VCAM1: variants seen among roughly 807,000 people sequenced by gnomAD.
The protein encoded by VCAM1 is vascular cell adhesion molecule 1.
VCAM1 carries 41 observed loss-of-function variants against 63.8 expected under a neutral mutation model. That is an observed-to-expected ratio of 0.64 (90% CI 0.50 to 0.83). The LOEUF (loss-of-function observed/expected upper bound fraction) is 0.83. VCAM1 is among the 40% of genes least tolerant of loss of function. The pLI, the probability that VCAM1 is intolerant of heterozygous loss-of-function variation, is 0.00. For missense variants in VCAM1, 798 were observed against 875.5 expected (o/e 0.91, Z 1.12); for synonymous variants, 338 against 320.7 (o/e 1.05, Z -0.58).
At chr1:100,725,073 A>G (rs1660114107) in intron 4 of VCAM1, among the ~76,000 whole-genome samples, 183 bp downstream of exon 4, 1 of 151,900 alleles carries the variant, frequency 6.6e-6, no homozygotes, top group African/African-American at 2.4e-5. Context: ...TCCCTCCCAG[A>G]GTTTCCATGG....
At position 100,738,478 on chromosome 1, in the gene VCAM1, A is replaced by C; in HGVS notation, c.*195A>C. The C allele has an allele frequency of 4.1e-6, 2 of 487,962 alleles. No individual in the cohort carries two copies. Among genetic ancestry groups the C allele is most frequent in the South Asian group, 7.8e-5 (2 of 25,780 alleles). The allele number at this position is 487,962 out of a possible 1,614,324, so 30.2% of individuals were successfully genotyped here. ...AAAACTTGCTGCCTGAAGAACAGTA[A>C]CTGCCATCAAGATGAGAGAACTGGA... On this transcript the variant is annotated 3_prime_UTR_variant, in exon 9 of 9. Coordinates refer to ENST00000294728, the MANE Select transcript of VCAM1 (RefSeq NM_001078.4).
chr1:100,725,760 T>C (rs961552450), intron 4 of VCAM1, among the ~76,000 whole-genome samples: 1 of 152,042 alleles, frequency 6.6e-6, no homozygotes, highest in Non-Finnish European at 1.5e-5. Context: ...TAATTGTCTT[T>C]ATTATTTCTT....
At position 100,720,572 on chromosome 1, in the gene VCAM1, C is replaced by T. The variant is rs1236155905; in HGVS notation, c.161C>T (p.Ser54Phe). The T allele has an allele frequency of 4.3e-6, 7 of 1,613,172 alleles. No homozygotes were observed. The highest frequency in any genetic ancestry group is 5.9e-6 in the Non-Finnish European group (7 of 1,179,504). Residue 54 changes from serine to phenylalanine, a missense_variant, in exon 2 of 9, where the codon TCC becomes TTC. Transcript: ENST00000294728. ...ACTTGCAGCACCACAGGCTGTGAGT[C>T]CCCATTTTTCTCTTGGAGAACCCAG... ...SLTCSTTGCESPFFSWRTQID... is the reference protein window; with the variant it reads ...SLTCSTTGCEFPFFSWRTQID...
At position 100,723,135 on chromosome 1, in the gene VCAM1, A is replaced by C. The variant is rs527373263; in HGVS notation, c.456A>C (p.Leu152Phe). The change falls in exon 3 of 9, where the codon TTA (leucine) becomes TTC (phenylalanine). Residue 152 changes from leucine (L) to phenylalanine (F), a missense_variant. By Grantham distance (22) the Leu-to-Phe change is conservative (BLOSUM62 0). Transcript: ENST00000294728. ...VYPFDRLEID[L>F]LKGDHLMKSQ... ...CATTTGACAGGCTGGAGATAGACTT[A>C]CTGAAAGGAGATCATCTCATGAAGA... 2.5e-5 allele frequency: 41 copies of C among 1,613,156 alleles called. No homozygotes were observed. The South Asian group carries it at 3.1e-4, about 12-fold the overall frequency.
rs1038954965 is a variant in VCAM1, at chr1:100,733,432, C to G, written c.1792+748C>G. ...TTCCCACTAAGATATTAGTGACTTT[C>G]TTGTTATCTCAACTCAATAAGATTT... On this transcript the variant is annotated intron_variant, in intron 7 of 8. Transcript: ENST00000294728. 2.0e-5 allele frequency among the ~76,000 whole-genome samples: 3 copies of G among 152,214 alleles called. No homozygotes were observed. In the East Asian group the frequency reaches 5.8e-4, roughly 29 times the overall value.
intron 4 of VCAM1, among the ~76,000 whole-genome samples, chr1:100,727,234 C>A (rs1660196475): frequency 6.6e-6 from 1 of 152,068 alleles, no homozygotes; most frequent in Non-Finnish European, 1.5e-5. Flanking sequence ...AGTCAAACTC[C>A]TAGGCTCAAG....
chr1:100,724,781 T>A lies in VCAM1; in HGVS notation c.819T>A (p.Asn273Lys). 6.2e-7 allele frequency: 1 copy of A among 1,613,046 alleles called. No individual in the cohort carries two copies. The highest frequency in any genetic ancestry group is 1.1e-5 in the South Asian group (1 of 91,062). ...DNGNLQHLSG[N>K]ATLTLIAMRM... ...GGAATCTACAGCACCTTTCTGGAAA[T>A]GCAACTCTCACCTTAATTGCTATGA... is the stretch of plus-strand genomic sequence containing the variant. Residue 273 changes from asparagine to lysine, a missense_variant, in exon 4 of 9, where the codon AAT becomes AAA. Coordinates refer to ENST00000294728, the MANE Select transcript of VCAM1 (RefSeq NM_001078.4).
Position 100,728,715 on chromosome 1 carries a change from A to AATATATAT in VCAM1, c.929-376_929-369dup, listed in dbSNP as rs35811606. ...AAAATTGTTGTGAGGATTAAATGAG[A>AATATATAT]ATATATATATATATATATATATAGT... On this transcript the variant is annotated intron_variant, in intron 4 of 8. Transcript: ENST00000294728. Among the ~76,000 whole-genome samples, 200 of 145,052 alleles carry AATATATAT rather than the reference A, an allele frequency of 1.4e-3. 1 individual carries two copies. The highest frequency in any genetic ancestry group is 4.4e-3 in the African/African-American group (170 of 39,036).
intron 6 of VCAM1, among the ~76,000 whole-genome samples, chr1:100,732,043 A>T (rs1259815656): frequency 6.6e-6 from 1 of 152,178 alleles, no homozygotes; most frequent in East Asian, 1.9e-4. Flanking sequence ...GTGAGTCATG[A>T]GGCCAGCCTA....
Position 100,732,378 on chromosome 1 carries a change from G to A in VCAM1, c.1526-40G>A, listed in dbSNP as rs754115283. The A allele has an allele frequency of 3.3e-6, 5 of 1,507,332 alleles. No homozygotes were observed. The African/African-American group carries it at 5.6e-5, about 17-fold the overall frequency. The allele number at this position is 1,507,332 out of a possible 1,614,324, so 93.4% of individuals were successfully genotyped here. A position where few individuals can be genotyped will look rare whatever the true frequency, so the allele number is the denominator to read the frequency against. On this transcript the variant is annotated intron_variant, in intron 6 of 8. Transcript: ENST00000294728. The stretch of plus-strand genomic sequence containing the variant: ...TTATTAAAACTCTTTGGAACTCAGG[G>A]CATAATAGGTCAAGCTAACAAGCGT...
chr1:100,721,868 G>A (rs1393601408), intron 2 of VCAM1, among the ~76,000 whole-genome samples: 2 of 152,084 alleles, frequency 1.3e-5, no homozygotes, highest in East Asian at 3.9e-4. Flanking sequence ...TACAGAATAT[G>A]AGGGACAGAA....
chr1:100,723,296 C>A lies in VCAM1; in HGVS notation c.617C>A (p.Ser206Tyr), dbSNP rs1185362405. Residue 206 changes from serine to tyrosine, a missense_variant, in exon 3 of 9, where the codon TCT (serine) becomes TAT (tyrosine). Physicochemically the swap from Ser to Tyr is moderately radical, Grantham distance 144 (BLOSUM62 -2). Transcript: ENST00000294728. ...RAKLHIDEMDSVPTVRQAVKE... is the reference protein window; with the variant it reads ...RAKLHIDEMDYVPTVRQAVKE... ...AAATTACACATTGATGAAATGGATT[C>A]TGTGCCCACAGTAAGGCAGGCTGTA... The A allele has an allele frequency of 1.2e-6, 2 of 1,612,872 alleles. No individual in the cohort carries two copies. Among genetic ancestry groups the A allele is most frequent in the African/African-American group, 2.7e-5 (2 of 74,806 alleles).
chr1:100,720,439 G>A (rs1288857601), intron 1 of VCAM1, 37 bp from the exon 2 acceptor site: 3 of 1,590,934 alleles, frequency 1.9e-6, no homozygotes, highest in Non-Finnish European at 2.6e-6. Flanking sequence ...AGACAAACTA[G>A]TGGTAAATTT....
intron 4 of VCAM1, 35 bp from the exon 5 acceptor site, chr1:100,729,072 T>G (rs755694130): frequency 3.4e-6 from 5 of 1,482,488 alleles, no homozygotes; most frequent in Non-Finnish European, 4.5e-6. Flanking sequence ...AAGAATCTTA[T>G]GTTCTTTTCA....
Position 100,731,297 on chromosome 1 carries a change from G to A in VCAM1, c.1304G>A (p.Arg435Gln), listed in dbSNP as rs769528923. ...GTTCCTAGCGTGTACCCCCTTGACC[G>A]GCTGGAGATTGAATTACTTAAGGGG... ...CKVPSVYPLD[R>Q]LEIELLKGET... Residue 435 changes from arginine (R) to glutamine (Q), a missense_variant, in exon 6 of 9, where the codon CGG becomes CAG. Arg to Gln is a conservative substitution (Grantham distance 43). Coordinates refer to ENST00000294728, the MANE Select transcript of VCAM1 (RefSeq NM_001078.4). This position sits in a 1 kb window ranked among gnomAD's most constrained non-coding sequence, Gnocchi z 4.2. The A allele has an allele frequency of 2.5e-5, 40 of 1,613,638 alleles. No individual in the cohort carries two copies. The highest frequency in any genetic ancestry group is 8.8e-5 in the South Asian group (8 of 91,078).
At chr1:100,732,303 G>A in intron 6 of VCAM1, 115 bp from the exon 7 acceptor site, 1 of 1,121,582 alleles carries the variant, frequency 8.9e-7, no homozygotes, top group Non-Finnish European at 1.2e-6. Context: ...GAATTATCAA[G>A]GTTTACAAAC....
chr1:100,719,941 C>T lies in VCAM1; in HGVS notation c.64+17C>T. The T allele has an allele frequency of 6.2e-7, 1 of 1,605,310 alleles. No individual in the cohort carries two copies. Among genetic ancestry groups the T allele is most frequent in the South Asian group, 1.1e-5 (1 of 90,328 alleles). On this transcript the variant is annotated intron_variant, in intron 1 of 8. Transcript: ENST00000294728. ...TTGCAGCTTGTAAGTTATTTCCCTT[C>T]ATCTGTTTCAAATGTTAGCATTCAA... is the stretch of plus-strand genomic sequence containing the variant.
intron 3 of VCAM1, among the ~76,000 whole-genome samples, chr1:100,724,218 A>G (rs917935817): frequency 2.6e-5 from 4 of 152,078 alleles, no homozygotes; most frequent in African/African-American, 9.7e-5. Flanking sequence ...TTTCAGCTCA[A>G]TAGGGAGAAA....
At chr1:100,730,222 A>G (rs949735598) in intron 5 of VCAM1, among the ~76,000 whole-genome samples, 54 of 152,230 alleles carry the variant, frequency 3.5e-4, no homozygotes, top group African/African-American at 1.2e-3. Context: ...GAGTTAGAGT[A>G]TGCCTGTAAA....
Sources: gnomAD v4.1 joint callset for allele counts (sites outside exome capture counted in the v4.1 genomes callset) on GRCh38, gnomAD v4.1.1 for gene constraint, Gnocchi (gnomAD v3.1) non-coding constraint, MANE v1.5 for transcripts, NCBI Gene and HGNC (gene_info 2026-07-23, HGNC 2026-07-21) for gene names.